The following FBXL17 variants were observed in gnomAD, a reference collection of about 807,000 sequenced individuals.
FBXL17 encodes the protein F-box/LRR-repeat protein 17.
In FBXL17, 22 loss-of-function variants were observed where a neutral mutation model predicts 66.2. The observed-to-expected ratio is 0.33, with a 90% CI of 0.24 to 0.47. The LOEUF is 0.47. Ranked by LOEUF, FBXL17 falls within the 20% of genes least tolerant of loss-of-function variation. FBXL17 has a pLI of 1.00. For synonymous variants in FBXL17, 474 were observed against 400.5 expected (o/e 1.18, Z -2.19); for missense variants, 878 against 948.2 (o/e 0.93, Z 0.97).
chr5:108,290,020 G>C (rs953242553), intron 4 of FBXL17, among the ~76,000 whole-genome samples: 5 of 152,154 alleles, frequency 3.3e-5, no homozygotes, highest in African/African-American at 1.2e-4. Context: ...TTTCAGATAA[G>C]AGAAACCAAG....
At chr5:108,227,165 G>A (rs971939595) in intron 4 of FBXL17, among the ~76,000 whole-genome samples, 1 of 152,094 alleles carries the variant, frequency 6.6e-6, no homozygotes, top group Non-Finnish European at 1.5e-5. Context: ...AAAACTCAGA[G>A]CTGAAAGGAG....
At chr5:108,146,304 T>C (rs1751558075) in intron 6 of FBXL17, among the ~76,000 whole-genome samples, 1 of 149,242 alleles carries the variant, frequency 6.7e-6, no homozygotes. Context: ...ACCACTTTGG[T>C]ACAAAAAAAA....
chr5:108,371,473 G>A (rs1205528095), intron 1 of FBXL17, among the ~76,000 whole-genome samples: 2 of 152,180 alleles, frequency 1.3e-5, no homozygotes, highest in East Asian at 1.9e-4. Context: ...AATAAAACAC[G>A]ATTTACAAAA....
At chr5:107,879,895 C>T in intron 8 of FBXL17, 3 of 985,408 alleles carry the variant, frequency 3.0e-6, no homozygotes, top group Non-Finnish European at 3.6e-6. Context: ...ATACAGACTC[C>T]AAAGACCCGG....
At chr5:108,173,793 C>T (rs891770887) in intron 6 of FBXL17, among the ~76,000 whole-genome samples, 2 of 152,164 alleles carry the variant, frequency 1.3e-5, no homozygotes, top group Non-Finnish European at 2.9e-5. Flanking sequence ...TCTACATTTC[C>T]TAACAAGAAA....
At chr5:108,375,403 C>A (rs919526835) in intron 1 of FBXL17, among the ~76,000 whole-genome samples, 3 of 129,268 alleles carry the variant, frequency 2.3e-5, no homozygotes, top group Non-Finnish European at 5.1e-5. Flanking sequence ...ACAAAATTGG[C>A]TAGACTAAGA....
intron 6 of FBXL17, among the ~76,000 whole-genome samples, chr5:108,157,472 TCA>T (rs1174099697): frequency 6.6e-6 from 1 of 151,698 alleles, no homozygotes; most frequent in Non-Finnish European, 1.5e-5. Flanking sequence ...ATAGGAAAAC[TCA>T]CAAATAAAAC....
intron 6 of FBXL17, among the ~76,000 whole-genome samples, chr5:108,059,614 T>C (rs1747843784): frequency 6.6e-6 from 1 of 152,152 alleles, no homozygotes; most frequent in African/African-American, 2.4e-5. Context: ...ATACTCTTGT[T>C]CTCTCCTCTT....
intron 7 of FBXL17, among the ~76,000 whole-genome samples, chr5:107,957,529 G>A (rs1366968968): frequency 3.3e-5 from 5 of 152,178 alleles, no homozygotes; most frequent in Admixed American, 6.6e-5. Flanking sequence ...TTAGTGAACA[G>A]AGAGTTGACA....
At chr5:108,045,562 CCCT>C (rs1468476863) in intron 6 of FBXL17, among the ~76,000 whole-genome samples, 1 of 152,110 alleles carries the variant, frequency 6.6e-6, no homozygotes, top group Non-Finnish European at 1.5e-5. Flanking sequence ...TTAAAAATTT[CCCT>C]CTTTTCTAAT....
chr5:108,376,431 T>C (rs1393520144), intron 1 of FBXL17, among the ~76,000 whole-genome samples: 2 of 152,230 alleles, frequency 1.3e-5, no homozygotes, highest in Non-Finnish European at 2.9e-5. Flanking sequence ...TATTTTTATA[T>C]ACTAGCAATG....
chr5:108,210,703 C>T (rs868269427), intron 5 of FBXL17, among the ~76,000 whole-genome samples: 10 of 152,284 alleles, frequency 6.6e-5, no homozygotes, highest in Admixed American at 2.0e-4. Context: ...TGCTCTTTTG[C>T]ATTTGCTGAG....
At chr5:108,048,260 C>T (rs1424965556) in intron 6 of FBXL17, among the ~76,000 whole-genome samples, 1 of 152,178 alleles carries the variant, frequency 6.6e-6, no homozygotes, top group Non-Finnish European at 1.5e-5. Flanking sequence ...ACAACAACAG[C>T]ATCAACAACA....
chr5:108,261,848 A>C (rs1756834345), intron 4 of FBXL17, among the ~76,000 whole-genome samples: 1 of 152,106 alleles, frequency 6.6e-6, no homozygotes, highest in Non-Finnish European at 1.5e-5. Context: ...CAGAAATAAT[A>C]AAGTGAATAA....
intron 6 of FBXL17, among the ~76,000 whole-genome samples, chr5:108,161,157 AATAG>A (rs992628832): frequency 5.1e-5 from 5 of 98,594 alleles, no homozygotes; most frequent in African/African-American, 1.1e-4. Context: ...TTAATCAACA[AATAG>A]ATACATACAT....
At chr5:107,958,446 A>C (rs1023879986) in intron 7 of FBXL17, among the ~76,000 whole-genome samples, 7 of 152,202 alleles carry the variant, frequency 4.6e-5, no homozygotes, top group African/African-American at 1.7e-4. Flanking sequence ...GAGAATCAAC[A>C]TCTCATATAG....
chr5:108,202,663 C>G (rs1487015557), intron 5 of FBXL17, among the ~76,000 whole-genome samples: 1 of 152,040 alleles, frequency 6.6e-6, no homozygotes, highest in Non-Finnish European at 1.5e-5. Context: ...TGGACAAAGA[C>G]GATTCATAGC....
chr5:108,298,556 T>C, intron 4 of FBXL17: 1 of 968,538 alleles, frequency 1.0e-6, no homozygotes, highest in Non-Finnish European at 1.2e-6. Flanking sequence ...TCAACAAAAA[T>C]TCAGTCTGAG....
At chr5:108,020,821 T>C (rs1038626061) in intron 7 of FBXL17, 104 bp downstream of exon 7, 12 of 797,710 alleles carry the variant, frequency 1.5e-5, no homozygotes, top group East Asian at 2.5e-5. Context: ...TAAGTGACGA[T>C]AGACAGTCTC....
Sources: gnomAD v4.1 joint callset for allele counts (sites outside exome capture counted in the v4.1 genomes callset) on GRCh38, gnomAD v4.1.1 for gene constraint, MANE v1.5 for transcripts, NCBI Gene and HGNC (gene_info 2026-07-23, HGNC 2026-07-21) for gene names.